DCDC1: variants seen among roughly 807,000 people sequenced by gnomAD.
DCDC1 encodes the protein doublecortin domain-containing protein 1.
A neutral mutation model predicts 178.3 loss-of-function variants in DCDC1; 200 were observed. The ratio of observed to expected loss-of-function variants is 1.12; its 90% CI spans 1.00 to 1.26. The LOEUF (loss-of-function observed/expected upper bound fraction) is 1.26. DCDC1 is among the 50% of genes most tolerant of loss of function. DCDC1 has a pLI of 0.00. For synonymous variants in DCDC1, 690 were observed against 604.8 expected, an observed-to-expected ratio of 1.14 and a Z score of -2.07; for missense variants, 1,983 against 1,749.2, an observed-to-expected ratio of 1.13 and a Z score of -2.38.
intron 38 of DCDC1, among the ~76,000 whole-genome samples, chr11:30,865,701 A>G (rs958590959): frequency 5.9e-5 from 9 of 152,152 alleles, no homozygotes; most frequent in African/African-American, 1.2e-4. Flanking sequence ...AAATTGATCG[A>G]TAAGTCTTCC....
chr11:31,042,973 C>A (rs186513279), intron 20 of DCDC1, among the ~76,000 whole-genome samples: 93 of 152,258 alleles, frequency 6.1e-4, no homozygotes, highest in Non-Finnish European at 9.0e-4. Context: ...TGCTTCTAGG[C>A]GACTTTGTAA....
chr11:31,041,049 G>A (rs1004773759), intron 20 of DCDC1, among the ~76,000 whole-genome samples: 4 of 152,282 alleles, frequency 2.6e-5, no homozygotes, highest in Admixed American at 2.0e-4. Flanking sequence ...TATATTAAGG[G>A]TATTTATGCT....
At chr11:31,101,284 G>A (rs1201755008) in intron 15 of DCDC1, among the ~76,000 whole-genome samples, 1 of 152,024 alleles carries the variant, frequency 6.6e-6, no homozygotes, top group Admixed American at 6.5e-5. Flanking sequence ...ACCGTACACA[G>A]CACTTGCCAG....
chr11:31,042,569 C>T (rs1427903857), intron 20 of DCDC1, among the ~76,000 whole-genome samples: 1 of 152,046 alleles, frequency 6.6e-6, no homozygotes, highest in Non-Finnish European at 1.5e-5. Flanking sequence ...AATCAAATAG[C>T]TATCCAAGGT....
chr11:31,129,307 T>G (rs929590187), intron 10 of DCDC1, among the ~76,000 whole-genome samples: 1 of 152,144 alleles, frequency 6.6e-6, no homozygotes, highest in Admixed American at 6.6e-5. Flanking sequence ...TTAAAATGAT[T>G]CCTATTTTAC....
intron 9 of DCDC1, among the ~76,000 whole-genome samples, chr11:31,213,099 GCCTCTCTC>G (rs1972847077): frequency 1.4e-4 from 4 of 29,458 alleles, no homozygotes; most frequent in Admixed American, 3.9e-4. Context: ...ATAAAGCCCA[GCCTCTCTC>G]TCTCTCTCTC....
chr11:30,956,851 C>T (rs1482253055), intron 20 of DCDC1, among the ~76,000 whole-genome samples: 1 of 152,120 alleles, frequency 6.6e-6, no homozygotes, highest in Non-Finnish European at 1.5e-5. Context: ...CACTGCTGGG[C>T]CATCTCACTG....
rs549419033 is a variant in DCDC1 at position 30,983,096 on chromosome 11, A to G, written c.2592-30528T>C. Reference sequence around the variant, plus strand: ...AACTTCTCTAATATAACAGGAATAGATAAGAAAATGTCTTTTATGTGCATT... The same window carrying G: ...AACTTCTCTAATATAACAGGAATAGGTAAGAAAATGTCTTTTATGTGCATT... On this transcript the variant is annotated intron_variant, in intron 20 of 38. Transcript: ENST00000684477. 3.9e-5 allele frequency among the ~76,000 whole-genome samples: 6 copies of G among 152,298 alleles called. No homozygotes were observed. In the East Asian group the frequency reaches 9.6e-4, roughly 24 times the overall value.
rs11821668 is a variant in DCDC1 at position 31,107,792 on chromosome 11, C to G, written c.1588-832G>C. 8.0e-3 allele frequency among the ~76,000 whole-genome samples: 1,219 copies of G among 152,226 alleles called. 18 individuals carry two copies. Among genetic ancestry groups the G allele is most frequent in the African/African-American group, 0.027 (1,141 of 41,534 alleles). ...CCTTTGCTCTTCCTTGCTCTGCACT[C>G]CACCCTATCCATCACTCTTCCCCCA... On this transcript the variant is annotated intron_variant, in intron 12 of 38. Transcript: ENST00000684477.
chr11:31,124,516 C>G (rs1015682692), intron 11 of DCDC1, among the ~76,000 whole-genome samples: 1 of 152,102 alleles, frequency 6.6e-6, no homozygotes, highest in Non-Finnish European at 1.5e-5. Flanking sequence ...AGGCATCATG[C>G]TACCTGACTT....
At chr11:30,888,153 AGAAAGAAAG>A (rs1943458491) in intron 36 of DCDC1, among the ~76,000 whole-genome samples, 1 of 142,438 alleles carries the variant, frequency 7.0e-6, no homozygotes, top group Non-Finnish European at 1.5e-5. Flanking sequence ...AAAGAAAGAA[AGAAAGAAAG>A]GGAAAGAAAG....
In DCDC1 at chr11:30,881,270, G is replaced by A. The variant is rs753399081; in HGVS notation, c.5121C>T (p.His1707=). The A allele has an allele frequency of 6.2e-7, 1 of 1,613,488 alleles. No individual in the cohort carries two copies. Among genetic ancestry groups the A allele is most frequent in the East Asian group, 2.2e-5 (1 of 44,864 alleles). The change falls in exon 37 of 39, where the codon CAC becomes CAT. Residue 1707 remains histidine, a synonymous_variant. Coordinates refer to ENST00000684477, the MANE Select transcript of DCDC1 (RefSeq NM_001387274.1). The stretch of plus-strand genomic sequence containing the variant: ...TGGGGGTGTACAGTGCTCTAGCTGG[G>A]TGGGTCATTTTGAGACGAGAGGAGC... ...QDCSSRLKMT[H]PARALYTPSG...
At chr11:30,988,248 G>A (rs1950766760) in intron 20 of DCDC1, among the ~76,000 whole-genome samples, 1 of 152,144 alleles carries the variant, frequency 6.6e-6, no homozygotes, top group Non-Finnish European at 1.5e-5. Flanking sequence ...ATGGATGATG[G>A]TGCCTGAGAG....
At chr11:30,922,136 A>G (rs919092979) in intron 24 of DCDC1, among the ~76,000 whole-genome samples, 9 of 152,178 alleles carry the variant, frequency 5.9e-5, no homozygotes, top group East Asian at 1.9e-4. Flanking sequence ...CTTTTTTTCT[A>G]TCTTAGAGTG....
At chr11:31,364,162 T>A (rs1390137139) in intron 1 of DCDC1, among the ~76,000 whole-genome samples, 1 of 152,186 alleles carries the variant, frequency 6.6e-6, no homozygotes, top group Non-Finnish European at 1.5e-5. Context: ...TAAGCTATGA[T>A]GTGCAGTAGG....
At chr11:31,296,065 G>C (rs1018123232) in intron 6 of DCDC1, among the ~76,000 whole-genome samples, 24 of 152,040 alleles carry the variant, frequency 1.6e-4, no homozygotes, top group African/African-American at 5.8e-4. Context: ...AGTTTTTGAA[G>C]TTTTCTCCTA....
intron 8 of DCDC1, among the ~76,000 whole-genome samples, chr11:31,245,483 C>T (rs1929019): frequency 0.3 from 44,879 of 151,488 alleles, 8,073 homozygotes; most frequent in East Asian, 0.63. Context: ...GTTAAATAAA[C>T]ATGAATATAC....
chr11:31,084,951 T>A (rs1421411232), intron 17 of DCDC1, among the ~76,000 whole-genome samples: 1 of 150,656 alleles, frequency 6.6e-6, no homozygotes, highest in African/African-American at 2.4e-5. Context: ...GCTGATGAGA[T>A]GTTGCAGTAC....
chr11:31,084,363 A>G (rs1406073226), intron 17 of DCDC1, among the ~76,000 whole-genome samples: 2 of 152,142 alleles, frequency 1.3e-5, no homozygotes, highest in South Asian at 2.1e-4. Context: ...ATTGTTATTT[A>G]TAATAAAATA....
Sources: gnomAD v4.1 joint callset for allele counts (sites outside exome capture counted in the v4.1 genomes callset) on GRCh38, gnomAD v4.1.1 for gene constraint, MANE v1.5 for transcripts, NCBI Gene and HGNC (gene_info 2026-07-23, HGNC 2026-07-21) for gene names.